Variants in TNIK observed in about 807,000 individuals in gnomAD.
The protein encoded by TNIK is TRAF2 and NCK interacting kinase, also known as TRAF2 and NCK-interacting protein kinase.
Under a neutral mutation model 191.3 loss-of-function variants are expected in TNIK, and 49 were observed. The ratio of observed to expected loss-of-function variants is 0.26; its 90% confidence interval spans 0.20 to 0.32. The LOEUF (loss-of-function observed/expected upper bound fraction) is 0.32. Among genes scored for constraint, TNIK ranks in the 10% least tolerant of loss-of-function variants. The pLI, the probability that TNIK is intolerant of heterozygous loss-of-function variation, is 1.00. For missense variants in TNIK, 1,155 were observed against 1,702.3 expected, an observed-to-expected ratio of 0.68 and a Z score of 5.66; for synonymous variants, 594 against 600.9, an observed-to-expected ratio of 0.99 and a Z score of 0.17.
At chr3:171,085,870 G>A (rs151181052) in intron 24 of TNIK, among the ~76,000 whole-genome samples, 5 of 152,242 alleles carry the variant, frequency 3.3e-5, no homozygotes, top group East Asian at 1.9e-4. Flanking sequence ...AGGATATTAC[G>A]TTTGTGAGCA....
chr3:171,228,369 T>G (rs1252929876), intron 2 of TNIK, 148 bp from the exon 3 acceptor site: 1 of 736,676 alleles, frequency 1.4e-6, no homozygotes, highest in Non-Finnish European at 2.2e-6. Flanking sequence ...AAACACCATG[T>G]CTACTTAGTG....
Position 171,128,712 on chromosome 3 carries a change from A to C in TNIK, c.1773+2T>G. ...GCCTGATGGAATGGAGGCAGACTGT[A>C]CCTGGGGATCGACTGGTCTGAGCAT... On this transcript the variant is annotated splice_donor_variant, in intron 16 of 32. Coordinates refer to ENST00000436636, the MANE Select transcript of TNIK (RefSeq NM_015028.4). LOFTEE classifies it high-confidence loss of function. 1 of 1,611,392 alleles carries C rather than the reference A, an allele frequency of 6.2e-7. No homozygotes were observed. The highest frequency in any genetic ancestry group is 1.7e-4 in the Middle Eastern group (1 of 6,052).
chr3:171,393,603 C>T (rs1719849718), intron 1 of TNIK, among the ~76,000 whole-genome samples: 1 of 152,246 alleles, frequency 6.6e-6, no homozygotes, highest in African/African-American at 2.4e-5. Flanking sequence ...ACGTTACCCT[C>T]TCATAGCATA....
chr3:171,132,142 A>T (rs1420779245), intron 15 of TNIK, among the ~76,000 whole-genome samples: 1 of 152,208 alleles, frequency 6.6e-6, no homozygotes, highest in Non-Finnish European at 1.5e-5. Flanking sequence ...ACCAATTAGA[A>T]AGTGTTCCAG....
At chr3:171,307,913 C>A (rs1383214369) in intron 2 of TNIK, among the ~76,000 whole-genome samples, 1 of 152,138 alleles carries the variant, frequency 6.6e-6, no homozygotes, top group Non-Finnish European at 1.5e-5. Flanking sequence ...GACGTTATCA[C>A]TCTGCAGCTA....
intron 2 of TNIK, among the ~76,000 whole-genome samples, chr3:171,232,178 A>G (rs1007892993): frequency 1.6e-4 from 25 of 152,222 alleles, no homozygotes; most frequent in Non-Finnish European, 3.7e-4. Context: ...ACACCATCTA[A>G]ATTTAGATCT....
chr3:171,173,218 A>T (rs1425280507), intron 9 of TNIK, among the ~76,000 whole-genome samples: 1 of 91,124 alleles, frequency 1.1e-5, no homozygotes, highest in Non-Finnish European at 2.3e-5. Flanking sequence ...CCCTGTCTCT[A>T]CTAAAAAAAA....
intron 5 of TNIK, among the ~76,000 whole-genome samples, chr3:171,191,065 T>C (rs1738009095): frequency 1.3e-5 from 2 of 152,200 alleles, no homozygotes; most frequent in Admixed American, 1.3e-4. Context: ...ACCACACAAG[T>C]AATTATACGG....
intron 4 of TNIK, among the ~76,000 whole-genome samples, chr3:171,195,362 T>C (rs1738560430): frequency 6.6e-6 from 1 of 152,178 alleles, no homozygotes; most frequent in South Asian, 2.1e-4. Flanking sequence ...GAAAAACACA[T>C]CCATTTCCAG....
intron 4 of TNIK, among the ~76,000 whole-genome samples, chr3:171,203,904 T>C (rs763756353): frequency 2.6e-5 from 4 of 152,234 alleles, no homozygotes; most frequent in Non-Finnish European, 5.9e-5. Flanking sequence ...AAAAATCTGC[T>C]ATCTTACTTG....
intron 1 of TNIK, among the ~76,000 whole-genome samples, chr3:171,427,404 C>T (rs1412753261): frequency 6.6e-6 from 1 of 152,130 alleles, no homozygotes; most frequent in East Asian, 1.9e-4. Context: ...CCTTTGATCC[C>T]CTTTTCTTAG....
intron 2 of TNIK, among the ~76,000 whole-genome samples, chr3:171,266,235 T>C (rs1053898788): frequency 2.0e-5 from 3 of 152,058 alleles, no homozygotes; most frequent in Non-Finnish European, 4.4e-5. Flanking sequence ...TTTTAGAAAA[T>C]GAAACAAAAG....
chr3:171,079,830 G>A (rs902687196), intron 27 of TNIK, among the ~76,000 whole-genome samples, 178 bp from the exon 28 acceptor site: 1 of 152,068 alleles, frequency 6.6e-6, no homozygotes, highest in Non-Finnish European at 1.5e-5. Context: ...AGAACTTATG[G>A]TTAAAATAGC....
At chr3:171,235,586 C>G (rs552348060) in intron 2 of TNIK, among the ~76,000 whole-genome samples, 9 of 152,174 alleles carry the variant, frequency 5.9e-5, no homozygotes, top group African/African-American at 2.2e-4. Flanking sequence ...ACATACAACT[C>G]CAGTAAAAGG....
intron 2 of TNIK, among the ~76,000 whole-genome samples, chr3:171,295,136 A>T (rs183780085): frequency 6.6e-6 from 1 of 152,324 alleles, no homozygotes; most frequent in East Asian, 1.9e-4. Flanking sequence ...CTATGGCCAC[A>T]CTTCACTGTG....
At chr3:171,094,625 T>C (rs867254435) in intron 22 of TNIK, among the ~76,000 whole-genome samples, 11 of 152,072 alleles carry the variant, frequency 7.2e-5, no homozygotes, top group Admixed American at 6.5e-5. Context: ...CCCTCCTTCT[T>C]TGGGCAGCAG....
intron 32 of TNIK, 200 bp from the exon 33 acceptor site, chr3:171,064,164 A>T (rs1718131903): frequency 3.7e-6 from 2 of 543,514 alleles, no homozygotes; most frequent in Non-Finnish European, 6.6e-6. Flanking sequence ...GGTTGTTATT[A>T]TTCCTTATTG....
chr3:171,165,098 G>A (rs1367084966), intron 10 of TNIK, among the ~76,000 whole-genome samples: 1 of 151,840 alleles, frequency 6.6e-6, no homozygotes, highest in Admixed American at 6.6e-5. Context: ...GACCAGCCTG[G>A]GCAACATAGT....
At chr3:171,338,661 T>C (rs920786862) in intron 2 of TNIK, among the ~76,000 whole-genome samples, 1 of 67,238 alleles carries the variant, frequency 1.5e-5, no homozygotes, top group Non-Finnish European at 3.3e-5. Context: ...GCTAAGTTGT[T>C]TTTTTTTTTT....
Sources: allele counts gnomAD v4.1 joint callset (sites outside exome capture counted in the v4.1 genomes callset), GRCh38; gene constraint gnomAD v4.1.1; transcripts MANE v1.5; gene names NCBI Gene and HGNC (gene_info 2026-07-23, HGNC 2026-07-21).